SLC9A2: variants seen among roughly 807,000 people sequenced by gnomAD.
SLC9A2 encodes solute carrier family 9 member A2, also known as sodium/hydrogen exchanger 2.
A neutral mutation model predicts 71.7 loss-of-function variants in SLC9A2; 42 were observed. The ratio of observed to expected loss-of-function variants is 0.59; its 90% CI spans 0.46 to 0.76. The LOEUF (loss-of-function observed/expected upper bound fraction) is 0.76. Ranked by LOEUF, SLC9A2 falls within the 30% of genes least tolerant of loss-of-function variation. SLC9A2 has a pLI of 0.00. For missense variants in SLC9A2, 829 were observed against 1,017.4 expected (o/e 0.81, Z 2.52); for synonymous variants, 396 against 392.5 (o/e 1.01, Z -0.10).
intron 1 of SLC9A2, among the ~76,000 whole-genome samples, chr2:102,623,445 T>A (rs1676182915): frequency 6.6e-6 from 1 of 152,130 alleles, no homozygotes; most frequent in Admixed American, 6.5e-5. Flanking sequence ...AGCCAGGAAA[T>A]GCCCAGAAAT....
At chr2:102,640,087 A>T (rs1038952350) in intron 1 of SLC9A2, among the ~76,000 whole-genome samples, 2 of 152,220 alleles carry the variant, frequency 1.3e-5, no homozygotes, top group Non-Finnish European at 2.9e-5. Flanking sequence ...CAGTTAAAAC[A>T]TGCACATCTG....
intron 3 of SLC9A2, among the ~76,000 whole-genome samples, chr2:102,669,069 GA>G (rs1430786911): frequency 6.6e-6 from 1 of 152,226 alleles, no homozygotes; most frequent in Non-Finnish European, 1.5e-5. Context: ...TCTTTGGAAA[GA>G]TGATGGAAGC....
chr2:102,672,057 C>T (rs550656552), intron 3 of SLC9A2, among the ~76,000 whole-genome samples: 12 of 151,760 alleles, frequency 7.9e-5, no homozygotes, highest in Non-Finnish European at 1.3e-4. Flanking sequence ...TGCAGTGAGC[C>T]GAGATTGAGC....
intron 1 of SLC9A2, among the ~76,000 whole-genome samples, chr2:102,644,971 A>G (rs1676689240): frequency 6.6e-6 from 1 of 152,176 alleles, no homozygotes; most frequent in Non-Finnish European, 1.5e-5. Context: ...TGCCTCCTCA[A>G]GTGAGTCCCT....
chr2:102,625,897 C>T (rs1676237793), intron 1 of SLC9A2, among the ~76,000 whole-genome samples: 1 of 152,204 alleles, frequency 6.6e-6, no homozygotes, highest in African/African-American at 2.4e-5. Context: ...AATTGCCACA[C>T]TGTCTTCCAC....
chr2:102,675,702 C>A (rs1677334952), intron 3 of SLC9A2, among the ~76,000 whole-genome samples: 1 of 152,272 alleles, frequency 6.6e-6, no homozygotes, highest in South Asian at 2.1e-4. Context: ...AGATCCAAGT[C>A]ATAAAAATTG....
At chr2:102,673,654 TA>T (rs1441201438) in intron 3 of SLC9A2, among the ~76,000 whole-genome samples, 1 of 152,196 alleles carries the variant, frequency 6.6e-6, no homozygotes, top group East Asian at 1.9e-4. Flanking sequence ...GCTTATTTTT[TA>T]AAAAGGATGA....
Position 102,641,091 on chromosome 2 carries a change from G to C in SLC9A2, c.290-16473G>C, listed in dbSNP as rs1676570713. On this transcript the variant is annotated intron_variant, in intron 1 of 11. Transcript: ENST00000233969. ...CACAACTTACTACATACTGTATGAG[G>C]TAATAGGAGCGTCACAGTGAATAAA... Among the ~76,000 whole-genome samples, 3 of 152,144 alleles carry C rather than the reference G, an allele frequency of 2.0e-5. 1 individual carries two copies. The South Asian group carries it at 6.2e-4, about 32-fold the overall frequency.
intron 3 of SLC9A2, among the ~76,000 whole-genome samples, chr2:102,672,775 C>G (rs1677279058): frequency 6.6e-6 from 1 of 152,002 alleles, no homozygotes; most frequent in Non-Finnish European, 1.5e-5. Flanking sequence ...AACAGATTCC[C>G]TGGGTTGAGA....
At chr2:102,689,480 A>G (rs1355418177) in intron 5 of SLC9A2, among the ~76,000 whole-genome samples, 1 of 149,948 alleles carries the variant, frequency 6.7e-6, no homozygotes, top group South Asian at 2.1e-4. Context: ...TCCAACTGGA[A>G]TGATGATGCT....
At chr2:102,674,548 T>C (rs982687254) in intron 3 of SLC9A2, among the ~76,000 whole-genome samples, 1 of 152,242 alleles carries the variant, frequency 6.6e-6, no homozygotes, top group African/African-American at 2.4e-5. Context: ...CCTGGCCAAG[T>C]GGCCCTGATT....
At chr2:102,656,364 G>A (rs577272623) in intron 1 of SLC9A2, among the ~76,000 whole-genome samples, 71 of 152,284 alleles carry the variant, frequency 4.7e-4, no homozygotes, top group Non-Finnish European at 6.3e-4. Flanking sequence ...TTATGGCTCT[G>A]TTTAATGCCT....
At chr2:102,650,946 T>C (rs189461182) in intron 1 of SLC9A2, among the ~76,000 whole-genome samples, 1 of 152,338 alleles carries the variant, frequency 6.6e-6, no homozygotes, top group Non-Finnish European at 1.5e-5. Context: ...GATTGGCGTT[T>C]ACCATCTTGA....
intron 5 of SLC9A2, among the ~76,000 whole-genome samples, chr2:102,693,070 T>TAC (rs940086761): frequency 1.6e-4 from 24 of 151,250 alleles, no homozygotes; most frequent in South Asian, 4.2e-4. Context: ...TATATATATA[T>TAC]ACACACACAC....
intron 3 of SLC9A2, among the ~76,000 whole-genome samples, chr2:102,667,572 C>G (rs1384322874): frequency 6.6e-6 from 1 of 152,128 alleles, no homozygotes; most frequent in East Asian, 1.9e-4. Flanking sequence ...TATGCTGTAT[C>G]AAGTCACTGG....
intron 5 of SLC9A2, among the ~76,000 whole-genome samples, chr2:102,693,887 A>G (rs986574752): frequency 6.6e-6 from 1 of 152,244 alleles, no homozygotes; most frequent in African/African-American, 2.4e-5. Context: ...ATAAATGAAC[A>G]AATGAAGGAG....
chr2:102,694,773 T>A (rs1459899602), intron 6 of SLC9A2, among the ~76,000 whole-genome samples: 1 of 152,222 alleles, frequency 6.6e-6, no homozygotes, highest in East Asian at 1.9e-4. Flanking sequence ...ATGTTCCTAC[T>A]GGGAAATTAT....
chr2:102,701,049 T>G, intron 7 of SLC9A2, 21 bp from the exon 8 acceptor site: 2 of 1,524,750 alleles, frequency 1.3e-6, no homozygotes, highest in Non-Finnish European at 8.9e-7. Context: ...ATTAATTTAT[T>G]GAAAGTTTCT....
chr2:102,632,477 CTT>C lies in SLC9A2; in HGVS notation c.289+12343_289+12344del, dbSNP rs954803243. 1.3e-4 allele frequency among the ~76,000 whole-genome samples: 19 copies of C among 151,978 alleles called. No homozygotes were observed. In the East Asian group the frequency reaches 2.1e-3, roughly 17 times the overall value. On this transcript the variant is annotated intron_variant, in intron 1 of 11. Transcript: ENST00000233969. ...ATAGGTTATTCTCTCACAATTACAT[CTT>C]TTAAATGTATGAGTCATAATTGATG...
Sources: allele counts gnomAD v4.1 joint callset (sites outside exome capture counted in the v4.1 genomes callset), GRCh38; gene constraint gnomAD v4.1.1; transcripts MANE v1.5; gene names NCBI Gene and HGNC (gene_info 2026-07-23, HGNC 2026-07-21).